The following GRAMD1B variants were observed in gnomAD, a reference collection of about 807,000 sequenced individuals.
The protein encoded by GRAMD1B is protein Aster-B.
In GRAMD1B, 37 loss-of-function variants were observed where a neutral mutation model predicts 99.7. The observed-to-expected ratio is 0.37, with a 90% CI of 0.29 to 0.49. The LOEUF (loss-of-function observed/expected upper bound fraction) is 0.49. Ranked by LOEUF, GRAMD1B falls within the 20% of genes least tolerant of loss-of-function variation. The probability of loss-of-function intolerance (pLI) is 0.98; values close to 1 mark genes in which losing one functional copy is unlikely to be tolerated. For missense variants in GRAMD1B, 888 were observed against 1,009.2 expected (o/e 0.88, Z 1.63); for synonymous variants, 427 against 387.6 (o/e 1.10, Z -1.19).
intron 1 of GRAMD1B, among the ~76,000 whole-genome samples, chr11:123,451,643 A>G (rs1949891376): frequency 1.3e-5 from 2 of 151,862 alleles, no homozygotes; most frequent in South Asian, 4.2e-4. Context: ...ACTGGATTTT[A>G]CCTCCCCTGC....
intron 1 of GRAMD1B, among the ~76,000 whole-genome samples, chr11:123,439,087 G>T (rs1208088225): frequency 2.0e-5 from 3 of 152,222 alleles, no homozygotes; most frequent in Non-Finnish European, 4.4e-5. Context: ...AGGGGCTGTT[G>T]TGCCTGGTGT....
At chr11:123,595,567 T>G (rs573065691) in intron 6 of GRAMD1B, among the ~76,000 whole-genome samples, 13 of 152,178 alleles carry the variant, frequency 8.5e-5, no homozygotes, top group Non-Finnish European at 1.8e-4. Context: ...GTGCTGTGAT[T>G]ACAGATGTGA....
intron 2 of GRAMD1B, among the ~76,000 whole-genome samples, chr11:123,572,401 G>A (rs1218376611): frequency 6.6e-6 from 1 of 152,162 alleles, no homozygotes; most frequent in Non-Finnish European, 1.5e-5. Flanking sequence ...GAAACTTTAT[G>A]TTATGTTATG....
chr11:123,361,242 C>T (rs1170023283), intron 1 of GRAMD1B, among the ~76,000 whole-genome samples: 1 of 152,198 alleles, frequency 6.6e-6, no homozygotes, highest in African/African-American at 2.4e-5. Flanking sequence ...TCAATACACA[C>T]ATCTGTAATA....
chr11:123,523,559 A>G (rs997354534), intron 2 of GRAMD1B, among the ~76,000 whole-genome samples: 6 of 151,292 alleles, frequency 4.0e-5, no homozygotes, highest in African/African-American at 9.7e-5. Context: ...AAAAACAGCT[A>G]GAGCAAAAGC....
At chr11:123,397,755 C>T (rs1565472905) in intron 1 of GRAMD1B, among the ~76,000 whole-genome samples, 1 of 152,118 alleles carries the variant, frequency 6.6e-6, no homozygotes. Flanking sequence ...GCAATCCTCC[C>T]ACCTTGGCCT....
chr11:123,513,987 T>C lies in GRAMD1B; in HGVS notation c.452+33094T>C, dbSNP rs368377893. On this transcript the variant is annotated intron_variant, in intron 2 of 19. Transcript: ENST00000635736. Reference sequence around the variant, plus strand: ...TTGTCTTAACTTTGAGAAAAGAGGTTAGGGAGCATTAATTAACCCATTCAT... The same window carrying C: ...TTGTCTTAACTTTGAGAAAAGAGGTCAGGGAGCATTAATTAACCCATTCAT... 2.4e-4 allele frequency among the ~76,000 whole-genome samples: 37 copies of C among 152,224 alleles called. 2 individuals are homozygous for C. In the South Asian group the frequency reaches 7.7e-3, roughly 32 times the overall value.
rs546516216 is a variant in GRAMD1B, at chr11:123,583,418, ATG to A, written c.664-886_664-885del. ...TGCGTGTGTGTGTGTGTCTGTGTAT[ATG>A]TGTGTGTACTTGTGTATTTGTGCGT... On this transcript the variant is annotated intron_variant, in intron 3 of 19. Transcript: ENST00000635736. 3.7e-4 allele frequency among the ~76,000 whole-genome samples: 56 copies of A among 151,234 alleles called. 1 individual carries two copies. In the South Asian group the frequency reaches 0.012, roughly 33 times the overall value.
chr11:123,480,177 A>G (rs1174186599), intron 1 of GRAMD1B, among the ~76,000 whole-genome samples: 1 of 152,168 alleles, frequency 6.6e-6, no homozygotes, highest in Non-Finnish European at 1.5e-5. Flanking sequence ...AAGCTGTGTA[A>G]TTATCTCACT....
At chr11:123,621,647 G>T (rs1427543301) in intron 19 of GRAMD1B, among the ~76,000 whole-genome samples, 6 of 152,240 alleles carry the variant, frequency 3.9e-5, no homozygotes, top group Admixed American at 3.3e-4. Context: ...AGAGCACAAA[G>T]ATTCCTGGGC....
Position 123,438,129 on chromosome 11 carries a change from A to T in GRAMD1B, c.374+6963A>T, listed in dbSNP as rs535204812. Among the ~76,000 whole-genome samples, 769 of 152,312 alleles carry T rather than the reference A, an allele frequency of 5.0e-3. 4 individuals carry two copies. The highest frequency in any genetic ancestry group is 0.018 in the African/African-American group (740 of 41,576). ...TTCCTTGAGGGCAGGGACCGGTCTT[A>T]CTTTGTGCCAAGTTTTCTGCCAAGC... On this transcript the variant is annotated intron_variant, in intron 1 of 19. Transcript: ENST00000635736.
At chr11:123,468,295 T>TTTTTTTTTTTTTTTTTTGAGACGG (rs1950805956) in intron 1 of GRAMD1B, among the ~76,000 whole-genome samples, 2 of 152,206 alleles carry the variant, frequency 1.3e-5, no homozygotes, top group African/African-American at 4.8e-5. Flanking sequence ...TGGAGACTTT[T>TTTTTTTTTTTTTTTTTTGAGACGG]ACAAATACAT....
At chr11:123,359,550 G>T (rs1312472754) in intron 1 of GRAMD1B, among the ~76,000 whole-genome samples, 1 of 151,964 alleles carries the variant, frequency 6.6e-6, no homozygotes, top group Non-Finnish European at 1.5e-5. Context: ...TCCTCAAAAA[G>T]TTCCTCAGCA....
At chr11:123,367,771 A>G (rs1295049476) in intron 1 of GRAMD1B, among the ~76,000 whole-genome samples, 1 of 151,942 alleles carries the variant, frequency 6.6e-6, no homozygotes, top group East Asian at 1.9e-4. Context: ...AGTATGGAAG[A>G]TGAACAGAAA....
intron 18 of GRAMD1B, 117 bp downstream of exon 18, chr11:123,618,917 C>A: frequency 4.2e-6 from 3 of 722,202 alleles, no homozygotes; most frequent in Non-Finnish European, 7.4e-6. Flanking sequence ...GGGATGAGCC[C>A]ACAGGGAAAC....
At chr11:123,523,480 C>A (rs1011197422) in intron 2 of GRAMD1B, among the ~76,000 whole-genome samples, 3 of 151,874 alleles carry the variant, frequency 2.0e-5, no homozygotes, top group Non-Finnish European at 4.4e-5. Flanking sequence ...CATAACTAAC[C>A]CTCAATATAC....
At chr11:123,606,294 G>A (rs1375796149) in intron 10 of GRAMD1B, among the ~76,000 whole-genome samples, 1 of 152,272 alleles carries the variant, frequency 6.6e-6, no homozygotes, top group Non-Finnish European at 1.5e-5. Flanking sequence ...CCTGGAGGCA[G>A]GCTGACCTTG....
At chr11:123,601,187 G>C (rs1261426524) in intron 8 of GRAMD1B, among the ~76,000 whole-genome samples, 7 of 152,018 alleles carry the variant, frequency 4.6e-5, no homozygotes, top group Non-Finnish European at 1.5e-5. Flanking sequence ...AACCCTGATG[G>C]GTCCCTCCCC....
chr11:123,442,560 C>T (rs1949457260), intron 1 of GRAMD1B, among the ~76,000 whole-genome samples: 1 of 152,094 alleles, frequency 6.6e-6, no homozygotes, highest in African/African-American at 2.4e-5. Flanking sequence ...ACTTGAGGTC[C>T]AGAGTTCAAG....
Sources: allele counts gnomAD v4.1 joint callset (sites outside exome capture counted in the v4.1 genomes callset), GRCh38; gene constraint gnomAD v4.1.1; transcripts MANE v1.5; gene names NCBI Gene and HGNC (gene_info 2026-07-23, HGNC 2026-07-21).